Variants in ARHGAP15 observed in about 807,000 individuals in gnomAD.
ARHGAP15 encodes the protein Rho GTPase activating protein 15, also known as rho GTPase-activating protein 15.
ARHGAP15 carries 51 observed loss-of-function variants against 63.7 expected under a neutral mutation model. That is an observed-to-expected ratio of 0.80 (90% CI 0.64 to 1.01). The LOEUF (loss-of-function observed/expected upper bound fraction) is 1.01, where lower values mean the gene tolerates loss of function less well. Among genes scored for constraint, ARHGAP15 ranks in the 50% least tolerant of loss-of-function variants. The probability of loss-of-function intolerance (pLI) is 0.00; values close to 1 mark genes in which losing one functional copy is unlikely to be tolerated. For synonymous variants in ARHGAP15, 191 were observed against 193.8 expected (o/e 0.99, Z 0.12); for missense variants, 560 against 564.6 (o/e 0.99, Z 0.08).
intron 13 of ARHGAP15, among the ~76,000 whole-genome samples, chr2:143,765,418 G>C (rs572337460): frequency 4.6e-5 from 7 of 152,232 alleles, no homozygotes; most frequent in African/African-American, 1.7e-4. Flanking sequence ...AGCTTCTTAT[G>C]TTCCAAAAGA....
At chr2:143,391,510 C>A (rs1687537346) in intron 6 of ARHGAP15, among the ~76,000 whole-genome samples, 1 of 152,122 alleles carries the variant, frequency 6.6e-6, no homozygotes, top group African/African-American at 2.4e-5. Context: ...TTTGGGGAGC[C>A]TGCCTTCAGT....
intron 11 of ARHGAP15, among the ~76,000 whole-genome samples, chr2:143,590,254 C>G (rs1697268530): frequency 6.6e-6 from 1 of 152,164 alleles, no homozygotes; most frequent in Non-Finnish European, 1.5e-5. Context: ...ATTTCTGTTT[C>G]TCTTTAATTT....
In ARHGAP15 at chr2:143,696,122, G is replaced by A. The variant is rs1683834204; in HGVS notation, c.1139-7297G>A. On this transcript the variant is annotated intron_variant, in intron 12 of 13. Coordinates refer to ENST00000295095, the MANE Select transcript of ARHGAP15 (RefSeq NM_018460.4). Reference sequence around the variant, plus strand: ...ACACATCTGAATTATTTTGGAATGAGTAACATCTCAGAAGCTTTTTGAGTT... The same window carrying A: ...ACACATCTGAATTATTTTGGAATGAATAACATCTCAGAAGCTTTTTGAGTT... Among the ~76,000 whole-genome samples the A allele has an allele frequency of 1.3e-5, 2 of 152,050 alleles. 1 individual carries two copies. Among genetic ancestry groups the A allele is most frequent in the South Asian group, 4.1e-4 (2 of 4,832 alleles).
intron 12 of ARHGAP15, among the ~76,000 whole-genome samples, chr2:143,636,835 T>C (rs950515103): frequency 6.6e-6 from 1 of 152,030 alleles, no homozygotes; most frequent in African/African-American, 2.4e-5. Context: ...TATAGCAAAA[T>C]ACCAGAGAGT....
At chr2:143,145,789 C>T (rs547827557) in intron 1 of ARHGAP15, among the ~76,000 whole-genome samples, 7 of 151,390 alleles carry the variant, frequency 4.6e-5, no homozygotes, top group East Asian at 2.0e-4. Context: ...AGCCAGTTCC[C>T]GGTTCTTTCA....
At chr2:143,535,001 T>C (rs1366615691) in intron 10 of ARHGAP15, among the ~76,000 whole-genome samples, 2 of 152,240 alleles carry the variant, frequency 1.3e-5, no homozygotes, top group East Asian at 3.8e-4. Context: ...TGTTATTTTT[T>C]ACAATTTCCA....
At chr2:143,450,479 GTGT>G (rs1441493965) in intron 8 of ARHGAP15, among the ~76,000 whole-genome samples, 2 of 151,750 alleles carry the variant, frequency 1.3e-5, no homozygotes, top group Non-Finnish European at 2.9e-5. Flanking sequence ...CATCTGTGTT[GTGT>G]TATTATAGAT....
At chr2:143,440,647 A>G (rs4611598) in intron 8 of ARHGAP15, among the ~76,000 whole-genome samples, 33,572 of 152,114 alleles carry the variant, frequency 0.22, 4,243 homozygotes, top group Admixed American at 0.33. Context: ...GTTTACATAT[A>G]CTTTTCTTTT....
chr2:143,702,262 G>A (rs1684123080), intron 12 of ARHGAP15, among the ~76,000 whole-genome samples: 1 of 152,134 alleles, frequency 6.6e-6, no homozygotes, highest in Admixed American at 6.5e-5. Context: ...TAAAACTGTG[G>A]AAAGATGAAT....
chr2:143,171,606 C>T (rs1441971749), intron 2 of ARHGAP15, among the ~76,000 whole-genome samples: 3 of 152,064 alleles, frequency 2.0e-5, no homozygotes. Context: ...GATGATTCCA[C>T]CTGTGTCTAG....
rs1046290445 is a variant in ARHGAP15, at chr2:143,421,476, G to A, written c.475-14125G>A. Among the ~76,000 whole-genome samples, 27 of 151,898 alleles carry A rather than the reference G, an allele frequency of 1.8e-4. No homozygotes were observed. In the East Asian group the frequency reaches 2.5e-3, roughly 14 times the overall value. On this transcript the variant is annotated intron_variant, in intron 6 of 13. Coordinates refer to ENST00000295095, the MANE Select transcript of ARHGAP15 (RefSeq NM_018460.4). ...GACAAAGGGACTGGGAGAGAAAGAG[G>A]GAGGAAAAGAGAAAGAGAGCACATC...
chr2:143,184,774 T>C (rs1398837374), intron 2 of ARHGAP15, among the ~76,000 whole-genome samples: 5 of 152,078 alleles, frequency 3.3e-5, no homozygotes, highest in Non-Finnish European at 5.9e-5. Flanking sequence ...CTTGAACTCC[T>C]GGGCTCAAAC....
intron 11 of ARHGAP15, among the ~76,000 whole-genome samples, chr2:143,563,504 T>C (rs1017619379): frequency 7.9e-5 from 12 of 152,210 alleles, no homozygotes; most frequent in African/African-American, 2.9e-4. Context: ...CAGTATGGTT[T>C]GGGAATATTC....
chr2:143,394,674 T>C (rs1687683060), intron 6 of ARHGAP15, among the ~76,000 whole-genome samples: 1 of 152,170 alleles, frequency 6.6e-6, no homozygotes, highest in Admixed American at 6.5e-5. Context: ...GGAATAGGCA[T>C]CTTTTTTTAA....
intron 11 of ARHGAP15, among the ~76,000 whole-genome samples, chr2:143,566,707 A>G (rs1158132590): frequency 6.6e-6 from 1 of 151,980 alleles, no homozygotes; most frequent in Non-Finnish European, 1.5e-5. Flanking sequence ...GTCTACTGGA[A>G]ATGAGTTTCC....
At chr2:143,346,518 C>T (rs1439340543) in intron 6 of ARHGAP15, among the ~76,000 whole-genome samples, 5 of 151,986 alleles carry the variant, frequency 3.3e-5, no homozygotes, top group Admixed American at 2.6e-4. Context: ...AAAATAAGTG[C>T]ATTTTCCTTT....
chr2:143,705,843 T>C (rs112778179), intron 13 of ARHGAP15, among the ~76,000 whole-genome samples: 5 of 152,286 alleles, frequency 3.3e-5, no homozygotes, highest in Non-Finnish European at 4.4e-5. Flanking sequence ...TTAAAAACCT[T>C]CAAAGGATGA....
chr2:143,555,021 A>G (rs538949647), intron 10 of ARHGAP15, among the ~76,000 whole-genome samples: 4 of 152,308 alleles, frequency 2.6e-5, no homozygotes, highest in Admixed American at 1.3e-4. Context: ...AGTCACATCA[A>G]TTAATACATT....
intron 10 of ARHGAP15, among the ~76,000 whole-genome samples, chr2:143,546,086 C>T (rs1018121813): frequency 6.6e-6 from 1 of 152,124 alleles, no homozygotes; most frequent in African/African-American, 2.4e-5. Flanking sequence ...AATGTGATGA[C>T]TGTGATTCAA....
Sources: gnomAD v4.1 joint callset for allele counts (sites outside exome capture counted in the v4.1 genomes callset) on GRCh38, gnomAD v4.1.1 for gene constraint, MANE v1.5 for transcripts, NCBI Gene and HGNC (gene_info 2026-07-23, HGNC 2026-07-21) for gene names.